ZSWIM9: variants seen among roughly 807,000 people sequenced by gnomAD.
ZSWIM9 encodes zinc finger SWIM-type containing 9, also known as uncharacterized protein ZSWIM9.
In ZSWIM9, 11 loss-of-function variants were observed where a neutral mutation model predicts 25.0. The observed-to-expected ratio is 0.44, with a 90% CI of 0.28 to 0.73. The LOEUF (loss-of-function observed/expected upper bound fraction) is 0.73. Among genes scored for constraint, ZSWIM9 ranks in the 30% least tolerant of loss-of-function variants. ZSWIM9 has a pLI of 0.16. For synonymous variants in ZSWIM9, 562 were observed against 582.1 expected, an observed-to-expected ratio of 0.97 and a Z score of 0.50; for missense variants, 1,070 against 1,296.5, an observed-to-expected ratio of 0.83 and a Z score of 2.68.
Position 48,196,526 on chromosome 19 carries a change from A to G in ZSWIM9, c.2462A>G (p.Glu821Gly), listed in dbSNP as rs1053422700. The G allele has an allele frequency of 4.1e-5, 51 of 1,232,060 alleles. No homozygotes were observed. Among genetic ancestry groups the G allele is most frequent in the Non-Finnish European group, 5.2e-5 (51 of 988,210 alleles). The allele number at this position is 1,232,060 out of a possible 1,614,324, so 76.3% of individuals were successfully genotyped here. A position where few individuals can be genotyped will look rare whatever the true frequency, so the allele number is the denominator to read the frequency against. ...CCGGGAGAGGAGGAGGTGGACTGGG[A>G]ACCCCTGGCCAAATTCCGAGCAGCC... The part of the protein sequence containing the change: ...RPPGEEEVDW[E>G]PLAKFRAACG... Residue 821 changes from glutamate (E) to glycine (G), a missense_variant, in exon 4 of 4, where the codon GAA (glutamate) becomes GGA (glycine). Glu to Gly is a moderately conservative substitution (Grantham distance 98, BLOSUM62 -2). This residue lies in a region of ZSWIM9 where 583 missense variants were observed against 624.7 expected (regional missense o/e 0.93). Transcript: ENST00000614654.
In ZSWIM9 at chr19:48,195,459, G is replaced by T; in HGVS notation, c.1395G>T (p.Glu465Asp). ...EDEPGRGAQG[E>D]NERVRGLETG... ...AGCCAGGGAGGGGAGCCCAGGGGGA[G>T]AACGAGAGGGTGAGGGGCCTGGAGA... The change falls in exon 4 of 4, where the codon GAG becomes GAT. Residue 465 changes from glutamate to aspartate, a missense_variant. This residue lies in a region of ZSWIM9 where 583 missense variants were observed against 624.7 expected (regional missense o/e 0.93). Coordinates refer to ENST00000614654, the MANE Select transcript of ZSWIM9 (RefSeq NM_199341.4). The surrounding 1 kb of genome is among the most constrained non-coding windows in gnomAD (Gnocchi z 5.8). 1 of 1,427,340 alleles carries T rather than the reference G, an allele frequency of 7.0e-7. No homozygotes were observed. The highest frequency in any genetic ancestry group is 2.7e-5 in the East Asian group (1 of 36,726). 88.4% of individuals were successfully genotyped at this position (1,427,340 alleles called of 1,614,324 possible).
intron 2 of ZSWIM9, among the ~76,000 whole-genome samples, chr19:48,179,289 A>G (rs1230061495): frequency 2.6e-5 from 4 of 151,698 alleles, no homozygotes; most frequent in Non-Finnish European, 5.9e-5. Context: ...GCCTCCCAGA[A>G]TAGCTAGGAC....
chr19:48,196,430 TG>T lies in ZSWIM9; in HGVS notation c.2368del (p.Ala790LeufsTer86). 8.1e-7 allele frequency: 1 copy of T among 1,231,920 alleles called. No individual in the cohort carries two copies. Among genetic ancestry groups the T allele is most frequent in the Non-Finnish European group, 1.0e-6 (1 of 988,096 alleles). The allele number at this position is 1,231,920 out of a possible 1,614,324, so 76.3% of individuals were successfully genotyped here. A position where few individuals can be genotyped will look rare whatever the true frequency, so the allele number is the denominator to read the frequency against. On this transcript the variant is annotated frameshift_variant, in exon 4 of 4. Coordinates refer to ENST00000614654, the MANE Select transcript of ZSWIM9 (RefSeq NM_199341.4). LOFTEE classifies it high-confidence loss of function. ...PEWAAARSEHLAAGDGLQEGG... is the reference protein window; with the variant it reads ...PEWAAARSEHXAAGDGLQEGG... Reference sequence around the variant, plus strand: ...TGGGCAGCGGCGAGGAGTGAACACCTGGCTGCAGGTGACGGCCTGCAGGAAG... The same window carrying T: ...TGGGCAGCGGCGAGGAGTGAACACCTGCTGCAGGTGACGGCCTGCAGGAAG...
chr19:48,182,795 G>A lies in ZSWIM9; in HGVS notation c.588+28G>A. On this transcript the variant is annotated intron_variant, in intron 3 of 3. Coordinates refer to ENST00000614654, the MANE Select transcript of ZSWIM9 (RefSeq NM_199341.4). The surrounding 1 kb of genome is among the most constrained non-coding windows in gnomAD (Gnocchi z 4.6). Reference sequence around the variant, plus strand: ...GGGGTCTCGAGAGAGGCAGGCCGGGGGAGGGGGCGGGGGAAAGCCGCGCTG... The same window carrying A: ...GGGGTCTCGAGAGAGGCAGGCCGGGAGAGGGGGCGGGGGAAAGCCGCGCTG... 1 of 1,494,524 alleles carries A rather than the reference G, an allele frequency of 6.7e-7. No homozygotes were observed. The highest frequency in any genetic ancestry group is 8.9e-7 in the Non-Finnish European group (1 of 1,118,840). The allele number at this position is 1,494,524 out of a possible 1,614,324, so 92.6% of individuals were successfully genotyped here. A position where few individuals can be genotyped will look rare whatever the true frequency, so the allele number is the denominator to read the frequency against.
Position 48,182,342 on chromosome 19 carries a change from C to T in ZSWIM9, c.276-113C>T. The T allele has an allele frequency of 7.5e-6, 7 of 928,232 alleles. No homozygotes were observed. Among genetic ancestry groups the T allele is most frequent in the Non-Finnish European group, 1.1e-5 (7 of 637,196 alleles). The allele number at this position is 928,232 out of a possible 1,614,324, so 57.5% of individuals were successfully genotyped here. ...GCTGGCATATTCTTAGGGCCCTCTACTCTTCTCTATGCCTGAAACAATTCT... is the reference window on the plus strand; with the variant it reads ...GCTGGCATATTCTTAGGGCCCTCTATTCTTCTCTATGCCTGAAACAATTCT... On this transcript the variant is annotated intron_variant, in intron 2 of 3. Transcript: ENST00000614654. The surrounding 1 kb of genome is among the most constrained non-coding windows in gnomAD (Gnocchi z 4.6).
At chr19:48,187,939 AATAG>A (rs58658973) in intron 3 of ZSWIM9, among the ~76,000 whole-genome samples, 8,443 of 140,218 alleles carry the variant, frequency 0.06, 235 homozygotes, top group Non-Finnish European at 0.07. Flanking sequence ...AGACCCTTTA[AATAG>A]ATAGATAGAT....
Position 48,171,802 on chromosome 19 carries a change from G to T in ZSWIM9, c.-1G>T. Reference sequence around the variant, plus strand: ...TCCCCTCCTCCACGCAGGCCCCCAGGATGGAGCGGCCGGAGCCCCCACCCG... The same window carrying T: ...TCCCCTCCTCCACGCAGGCCCCCAGTATGGAGCGGCCGGAGCCCCCACCCG... On this transcript the variant is annotated 5_prime_UTR_variant, in exon 2 of 4. Transcript: ENST00000614654. 1 of 1,531,432 alleles carries T rather than the reference G, an allele frequency of 6.5e-7. No individual in the cohort carries two copies. The highest frequency in any genetic ancestry group is 8.7e-7 in the Non-Finnish European group (1 of 1,145,024). The allele number at this position is 1,531,432 out of a possible 1,614,324, so 94.9% of individuals were successfully genotyped here.
rs970846036 is a variant in ZSWIM9, at chr19:48,197,076, T to C, written c.*249T>C. On this transcript the variant is annotated 3_prime_UTR_variant, in exon 4 of 4. Transcript: ENST00000614654. ...AGGGTGGATTCTGAGGGCTTCCCTC[T>C]GGAGAGGAAGCATGTGATGAGAGGT... The C allele has an allele frequency of 3.6e-6, 2 of 559,944 alleles. No individual in the cohort carries two copies. The highest frequency in any genetic ancestry group is 6.3e-6 in the Non-Finnish European group (2 of 316,888). The allele number at this position is 559,944 out of a possible 1,614,324, so 34.7% of individuals were successfully genotyped here.
chr19:48,187,524 ATATTATATTAT>A (rs2037037276), intron 3 of ZSWIM9, among the ~76,000 whole-genome samples: 1 of 84,654 alleles, frequency 1.2e-5, no homozygotes, highest in Non-Finnish European at 2.2e-5. Context: ...TATATATTAT[ATATTATATTAT>A]TATTATATTA....
chr19:48,191,680 A>G (rs1469690751), intron 3 of ZSWIM9, among the ~76,000 whole-genome samples: 5 of 152,228 alleles, frequency 3.3e-5, no homozygotes, highest in Admixed American at 6.5e-5. Flanking sequence ...TCTGTCGTCT[A>G]TGGCAGATGC....
chr19:48,187,147 A>G (rs1426699158), intron 3 of ZSWIM9, among the ~76,000 whole-genome samples: 1 of 150,216 alleles, frequency 6.7e-6, no homozygotes, highest in African/African-American at 2.5e-5. Context: ...TAGCATGTCC[A>G]GCTGCTTTCC....
In ZSWIM9 at chr19:48,195,398, AG is replaced by A; in HGVS notation, c.1338del (p.Asp448MetfsTer22). On this transcript the variant is annotated frameshift_variant, in exon 4 of 4. Coordinates refer to ENST00000614654, the MANE Select transcript of ZSWIM9 (RefSeq NM_199341.4). LOFTEE classifies it low-confidence loss of function (END_TRUNC). This position sits in a 1 kb window ranked among gnomAD's most constrained non-coding sequence, Gnocchi z 5.8. ...GACGCGGCCGGGGAGGCGGTGCCCG[AG>A]GGGCCCGATGGCGGGGGGCCTTGGC... ...WADAAGEAVP[E>X]GPDGGGPWLE... is the part of the protein sequence containing the mutation. 1 of 1,476,150 alleles carries A rather than the reference AG, an allele frequency of 6.8e-7. No homozygotes were observed. Among genetic ancestry groups the A allele is most frequent in the Non-Finnish European group, 8.9e-7 (1 of 1,123,690 alleles). 91.4% of individuals were successfully genotyped at this position (1,476,150 alleles called of 1,614,324 possible). A position where few individuals can be genotyped will look rare whatever the true frequency, so the allele number is the denominator to read the frequency against.
intron 1 of ZSWIM9, chr19:48,171,178 G>A: frequency 2.1e-6 from 2 of 971,696 alleles, no homozygotes; most frequent in Non-Finnish European, 2.4e-6. Context: ...GCGAGCCATA[G>A]GGTCATAATC....
chr19:48,178,628 G>A (rs1250670042), intron 2 of ZSWIM9, among the ~76,000 whole-genome samples: 1 of 151,988 alleles, frequency 6.6e-6, no homozygotes, highest in African/African-American at 2.4e-5. Context: ...CCAGGCTGGA[G>A]TGCAGTGGCG....
Position 48,171,122 on chromosome 19 carries a change from T to C in ZSWIM9, c.-10+408T>C, listed in dbSNP as rs1216186816. On this transcript the variant is annotated intron_variant, in intron 1 of 3. Coordinates refer to ENST00000614654, the MANE Select transcript of ZSWIM9 (RefSeq NM_199341.4). ...GATAACTGCATGTGGGGAGTACATC[T>C]GGAGATGAGAGTGTCTCAGGGAAGC... 3 of 493,266 alleles carry C rather than the reference T, an allele frequency of 6.1e-6. No homozygotes were observed. In the African/African-American group the frequency reaches 6.3e-5, roughly 10 times the overall value. The allele number at this position is 493,266 out of a possible 1,614,324, so 30.6% of individuals were successfully genotyped here. A position where few individuals can be genotyped will look rare whatever the true frequency, so the allele number is the denominator to read the frequency against.
chr19:48,174,488 TTGAG>T (rs1253557740), intron 2 of ZSWIM9, among the ~76,000 whole-genome samples: 1 of 152,170 alleles, frequency 6.6e-6, no homozygotes, highest in Non-Finnish European at 1.5e-5. Flanking sequence ...GTGGATGCTG[TTGAG>T]TGAGTGACTT....
chr19:48,196,955 G>T lies in ZSWIM9; in HGVS notation c.*128G>T. On this transcript the variant is annotated 3_prime_UTR_variant, in exon 4 of 4. Coordinates refer to ENST00000614654, the MANE Select transcript of ZSWIM9 (RefSeq NM_199341.4). ...CTGGCCACCTTCTGGGTCATCCAGG[G>T]ACCTCCTCATGGCAGTTTGCCTCTC... 1.0e-6 allele frequency: 1 copy of T among 998,980 alleles called. No individual in the cohort carries two copies. Among genetic ancestry groups the T allele is most frequent in the Non-Finnish European group, 1.3e-6 (1 of 754,624 alleles). 61.9% of individuals were successfully genotyped at this position (998,980 alleles called of 1,614,324 possible). A position where few individuals can be genotyped will look rare whatever the true frequency, so the allele number is the denominator to read the frequency against.
At chr19:48,187,595 T>C (rs2037044988) in intron 3 of ZSWIM9, 1 of 85,638 alleles carries the variant, frequency 1.2e-5, no homozygotes, top group Non-Finnish European at 2.2e-5. Flanking sequence ...TTATATAATA[T>C]AATATTATAT....
chr19:48,178,294 A>G (rs1225089193), intron 2 of ZSWIM9, among the ~76,000 whole-genome samples: 1 of 152,208 alleles, frequency 6.6e-6, no homozygotes, highest in African/African-American at 2.4e-5. Flanking sequence ...TGCATGTAGG[A>G]AAAAAGGGGT....
Sources: allele counts gnomAD v4.1 joint callset (sites outside exome capture counted in the v4.1 genomes callset), GRCh38; gene constraint gnomAD v4.1.1; regional missense constraint gnomAD v4.1.1; non-coding constraint Gnocchi (gnomAD v3.1); transcripts MANE v1.5; gene names NCBI Gene and HGNC (gene_info 2026-07-23, HGNC 2026-07-21).